The following MROH9 variants were observed in gnomAD, a reference collection of about 807,000 sequenced individuals.
MROH9 encodes the protein maestro heat like repeat family member 9.
In MROH9, 92 loss-of-function variants were observed where a neutral mutation model predicts 98.2. That is an observed-to-expected ratio of 0.94 (90% CI 0.79 to 1.11). The LOEUF is 1.11. MROH9 is among the 50% of genes most tolerant of loss of function. The pLI is 0.00. For missense variants in MROH9, 1,057 were observed against 1,014.8 expected (o/e 1.04, Z -0.57); for synonymous variants, 397 against 368.9 (o/e 1.08, Z -0.87).
chr1:170,946,292 A>G (rs1015392327), intron 2 of MROH9, among the ~76,000 whole-genome samples: 4 of 152,034 alleles, frequency 2.6e-5, no homozygotes, highest in African/African-American at 9.7e-5. Context: ...ATGAAAAAAA[A>G]TCAGATAAAT....
chr1:170,977,332 T>G (rs1369638825), intron 8 of MROH9, among the ~76,000 whole-genome samples: 2 of 152,328 alleles, frequency 1.3e-5, no homozygotes, highest in African/African-American at 4.8e-5. Context: ...GAGTTACTCA[T>G]TCTTTCTCAG....
At chr1:170,972,544 C>T (rs955301618) in intron 8 of MROH9, among the ~76,000 whole-genome samples, 20 of 152,296 alleles carry the variant, frequency 1.3e-4, no homozygotes, top group African/African-American at 4.8e-4. Context: ...GGCACAGTGG[C>T]TCACGCCTAT....
rs72710535 is a variant in MROH9, at chr1:170,962,039, C to T, written c.375+63C>T. 5.2e-3 allele frequency: 4,596 copies of T among 890,316 alleles called. 25 individuals carry two copies. Among genetic ancestry groups the T allele is most frequent in the Non-Finnish European group, 6.8e-3 (4,032 of 591,150 alleles). 55.2% of individuals were successfully genotyped at this position (890,316 alleles called of 1,614,324 possible). A position where few individuals can be genotyped will look rare whatever the true frequency, so the allele number is the denominator to read the frequency against. On this transcript the variant is annotated intron_variant, in intron 6 of 21. Coordinates refer to ENST00000367759, the MANE Select transcript of MROH9 (RefSeq NM_001163629.2). ...AGTCTAGTATGCTCACTATGCTTCA[C>T]TTTCTTCTCATTTGCTATATTTGCA...
chr1:171,039,029 C>G (rs1412321944), intron 20 of MROH9, among the ~76,000 whole-genome samples: 3 of 152,114 alleles, frequency 2.0e-5, no homozygotes, highest in Non-Finnish European at 2.9e-5. Context: ...TGGATGAAGC[C>G]TGTACTTCCT....
Position 170,992,323 on chromosome 1 carries a change from T to G in MROH9, c.1188T>G (p.Pro396=). 1 of 1,612,348 alleles carries G rather than the reference T, an allele frequency of 6.2e-7. No individual in the cohort carries two copies. Among genetic ancestry groups the G allele is most frequent in the Non-Finnish European group, 8.5e-7 (1 of 1,179,170 alleles). ...CTCTTGATATTACCAACTTGATGCCTTTGGCGGTAAATAACACGATGAGTG... is the reference window on the plus strand; with the variant it reads ...CTCTTGATATTACCAACTTGATGCCGTTGGCGGTAAATAACACGATGAGTG... The part of the protein sequence containing the change: ...RFSLDITNLM[P]LAACQALCTF... The change falls in exon 12 of 22, where the codon CCT becomes CCG. Residue 396 remains proline (P), a synonymous_variant. Transcript: ENST00000367759.
At chr1:170,942,213 C>T (rs1035330130) in intron 1 of MROH9, among the ~76,000 whole-genome samples, 3 of 152,124 alleles carry the variant, frequency 2.0e-5, no homozygotes, top group Non-Finnish European at 4.4e-5. Flanking sequence ...ACACTTTCTA[C>T]CTTGACTTTA....
At chr1:171,017,340 A>C (rs899259650) in intron 17 of MROH9, among the ~76,000 whole-genome samples, 2 of 152,238 alleles carry the variant, frequency 1.3e-5, no homozygotes, top group African/African-American at 4.8e-5. Flanking sequence ...TGACAGCCAC[A>C]CGGGCCAGGG....
At chr1:171,010,055 C>T (rs755740019) in intron 15 of MROH9, among the ~76,000 whole-genome samples, 3 of 152,180 alleles carry the variant, frequency 2.0e-5, no homozygotes, top group African/African-American at 4.8e-5. Context: ...CCCATCAACC[C>T]ATCACCTACA....
At chr1:171,041,603 G>T (rs550369736) in intron 20 of MROH9, among the ~76,000 whole-genome samples, 5 of 151,562 alleles carry the variant, frequency 3.3e-5, no homozygotes, top group Non-Finnish European at 4.4e-5. Context: ...AAGATTGGTG[G>T]ATTGAATGGT....
rs1650030994 is a variant in MROH9, at chr1:170,961,927, T to C, written c.326T>C (p.Ile109Thr). 2 of 1,539,136 alleles carry C rather than the reference T, an allele frequency of 1.3e-6. No homozygotes were observed. The highest frequency in any genetic ancestry group is 1.8e-6 in the Non-Finnish European group (2 of 1,136,388). The change falls in exon 6 of 22, where the codon ATT (isoleucine) becomes ACT (threonine). Residue 109 changes from isoleucine to threonine, a missense_variant. Transcript: ENST00000367759. The part of the protein sequence containing the change: ...YHNILNIYEN[I>T]LTSLVSKDLY... ...AATATTTTAAATATATATGAGAACA[T>C]TCTTACGAGCTTGGTGTCTAAAGAC...
chr1:170,956,431 T>G (rs975957048), intron 3 of MROH9, among the ~76,000 whole-genome samples: 3 of 152,164 alleles, frequency 2.0e-5, no homozygotes. Context: ...ACAATGTTGA[T>G]TCTACCCATC....
intron 8 of MROH9, among the ~76,000 whole-genome samples, chr1:170,973,133 G>A (rs939737071): frequency 5.9e-5 from 9 of 151,612 alleles, no homozygotes; most frequent in Non-Finnish European, 1.0e-4. Context: ...ACACACACAC[G>A]CACGCACAAA....
intron 8 of MROH9, among the ~76,000 whole-genome samples, chr1:170,972,992 C>T (rs1650526047): frequency 6.6e-6 from 1 of 151,740 alleles, no homozygotes; most frequent in African/African-American, 2.4e-5. Context: ...AGAGCCAACA[C>T]AAAAAGAGAT....
chr1:171,058,594 A>T (rs1316519123), intron 20 of MROH9, among the ~76,000 whole-genome samples: 2 of 152,214 alleles, frequency 1.3e-5, no homozygotes. Context: ...ACCTGACTTT[A>T]TACTACAAGG....
intron 9 of MROH9, among the ~76,000 whole-genome samples, chr1:170,985,926 G>T (rs993366479): frequency 3.3e-5 from 5 of 150,762 alleles, no homozygotes; most frequent in Non-Finnish European, 7.4e-5. Flanking sequence ...GGTGAGATTG[G>T]GTATCCTCTG....
chr1:170,951,470 C>T (rs1431990053), intron 3 of MROH9, among the ~76,000 whole-genome samples: 1 of 152,014 alleles, frequency 6.6e-6, no homozygotes. Flanking sequence ...AAAAGAATGA[C>T]ACAGACTTAG....
intron 14 of MROH9, 37 bp downstream of exon 14, chr1:170,996,681 C>G (rs1651587779): frequency 6.3e-7 from 1 of 1,598,834 alleles, no homozygotes; most frequent in Admixed American, 1.7e-5. Flanking sequence ...TTCTTGGTCT[C>G]TATCCTACCT....
rs190703269 is a variant in MROH9, at chr1:171,048,792, A to G, written c.2282-13340A>G. On this transcript the variant is annotated intron_variant, in intron 20 of 21. Transcript: ENST00000367759. ...GCCAGCAAGTCTCAGAGGTTCACCC[A>G]AGGCCCACAATGTAGTACCTGGGTA... Among the ~76,000 whole-genome samples, 15 of 152,314 alleles carry G rather than the reference A, an allele frequency of 9.8e-5. No homozygotes were observed. The East Asian group carries it at 2.7e-3, about 27-fold the overall frequency.
chr1:170,973,969 G>A (rs1650583950), intron 8 of MROH9, among the ~76,000 whole-genome samples: 1 of 152,142 alleles, frequency 6.6e-6, no homozygotes, highest in African/African-American at 2.4e-5. Context: ...AGTAGAGACA[G>A]AAAAACTCCT....
Sources: allele counts gnomAD v4.1 joint callset (sites outside exome capture counted in the v4.1 genomes callset), GRCh38; gene constraint gnomAD v4.1.1; transcripts MANE v1.5; gene names NCBI Gene and HGNC (gene_info 2026-07-23, HGNC 2026-07-21).